Variants in MTREX observed in about 807,000 individuals in gnomAD.
The protein encoded by MTREX is exosome RNA helicase MTR4.
A neutral mutation model predicts 135.4 loss-of-function variants in MTREX; 76 were observed. That is an observed-to-expected ratio of 0.56 (90% CI 0.47 to 0.68). The LOEUF (loss-of-function observed/expected upper bound fraction) is 0.68. Among genes scored for constraint, MTREX ranks in the 30% least tolerant of loss-of-function variants. The pLI, the probability that MTREX is intolerant of heterozygous loss-of-function variation, is 0.00. For synonymous variants in MTREX, 404 were observed against 401.6 expected (o/e 1.01, Z -0.07); for missense variants, 920 against 1,262.1 (o/e 0.73, Z 4.11).
chr5:55,313,847 T>A (rs1035368613), intron 1 of MTREX, among the ~76,000 whole-genome samples: 13 of 152,194 alleles, frequency 8.5e-5, no homozygotes, highest in Admixed American at 6.5e-4. Context: ...TTTTTGAAAA[T>A]ATCAAATTGT....
intron 22 of MTREX, among the ~76,000 whole-genome samples, chr5:55,406,215 T>C (rs761267754): frequency 2.6e-5 from 4 of 152,334 alleles, no homozygotes; most frequent in Non-Finnish European, 2.9e-5. Context: ...TATCCTCTTA[T>C]TGTTTTTATG....
intron 5 of MTREX, among the ~76,000 whole-genome samples, chr5:55,334,492 T>G (rs1484306258): frequency 6.6e-6 from 1 of 152,098 alleles, no homozygotes; most frequent in Non-Finnish European, 1.5e-5. Flanking sequence ...TTTATAAACC[T>G]GGTACTAGGA....
rs187402431 is a variant in MTREX, at chr5:55,370,167, C to T, written c.1810+3292C>T. ...CAAACTCCCAACCTCAGGTGATCCACCCACCTTGACCTCCCAAAGTGCTGG... is the reference window on the plus strand; with the variant it reads ...CAAACTCCCAACCTCAGGTGATCCATCCACCTTGACCTCCCAAAGTGCTGG... On this transcript the variant is annotated intron_variant, in intron 16 of 26. Transcript: ENST00000230640. Among the ~76,000 whole-genome samples the T allele has an allele frequency of 5.2e-3, 793 of 152,236 alleles. 7 individuals are homozygous for T. Among genetic ancestry groups the T allele is most frequent in the African/African-American group, 0.018 (760 of 41,520 alleles).
At chr5:55,324,915 A>G (rs998712986) in intron 3 of MTREX, among the ~76,000 whole-genome samples, 2 of 152,202 alleles carry the variant, frequency 1.3e-5, no homozygotes, top group African/African-American at 4.8e-5. Context: ...TCATACTCCT[A>G]AAGTTAAGTA....
rs1340275103 is a variant in MTREX at position 55,349,743 on chromosome 5, CT to C, written c.1320+95del. On this transcript the variant is annotated intron_variant, in intron 12 of 26. Coordinates refer to ENST00000230640, the MANE Select transcript of MTREX (RefSeq NM_015360.5). ...TGCTTGGTTTTATTACTCTATTGCA[CT>C]TTTCACACACTGTAGCATATGGGTT... The C allele has an allele frequency of 1.8e-4, 127 of 722,840 alleles. No individual in the cohort carries two copies. In the East Asian group the frequency reaches 3.2e-3, roughly 18 times the overall value. The allele number at this position is 722,840 out of a possible 1,614,324, so 44.8% of individuals were successfully genotyped here.
Position 55,410,605 on chromosome 5 carries a change from A to T in MTREX, c.2727A>T (p.Leu909Phe). Residue 909 changes from leucine to phenylalanine, a missense_variant, in exon 23 of 27, where the codon TTA becomes TTT. Leu to Phe is a conservative substitution (Grantham distance 22, BLOSUM62 0). Transcript: ENST00000230640. ...DLSAEQATAL[L>F]SCFVFQENSS... ...CTGCAGAACAGGCAACAGCATTATT[A>T]AGCTGCTTTGTGTTTCAAGAGAATG... 6.2e-7 allele frequency: 1 copy of T among 1,606,318 alleles called. No homozygotes were observed. Among genetic ancestry groups the T allele is most frequent in the African/African-American group, 1.3e-5 (1 of 74,902 alleles).
At chr5:55,359,305 C>G (rs559470866) in intron 15 of MTREX, among the ~76,000 whole-genome samples, 1 of 152,046 alleles carries the variant, frequency 6.6e-6, no homozygotes, top group Non-Finnish European at 1.5e-5. Context: ...TTCTTCTTAT[C>G]CATATAGAGA....
At chr5:55,311,184 A>G (rs910983951) in intron 1 of MTREX, among the ~76,000 whole-genome samples, 1 of 152,242 alleles carries the variant, frequency 6.6e-6, no homozygotes, top group African/African-American at 2.4e-5. Context: ...AGCTTCACCA[A>G]TATCAAGTCA....
chr5:55,406,839 G>A (rs1750816194), intron 22 of MTREX, among the ~76,000 whole-genome samples: 1 of 152,190 alleles, frequency 6.6e-6, no homozygotes, highest in Admixed American at 6.5e-5. Context: ...ATGTGGTATA[G>A]GAGATGCTGT....
intron 22 of MTREX, 118 bp from the exon 23 acceptor site, chr5:55,410,406 T>C (rs1750867439): frequency 2.2e-6 from 1 of 463,610 alleles, no homozygotes; most frequent in Admixed American, 3.8e-5. Context: ...TCATTCCTCA[T>C]TGATTACTCC....
At chr5:55,400,114 TTA>T (rs1328186042) in intron 20 of MTREX, 117 bp from the exon 21 acceptor site, 2 of 656,400 alleles carry the variant, frequency 3.0e-6, no homozygotes, top group Non-Finnish European at 4.7e-6. Context: ...AAAGACAAAA[TTA>T]TATATGTAGT....
rs1750785130 is a variant in MTREX, at chr5:55,405,336, AAATATTTTTTGTTTGATTTCATG to A, written c.2482-84_2482-62del. 2.5e-6 allele frequency: 3 copies of A among 1,179,828 alleles called. No homozygotes were observed. The Admixed American group carries it at 6.8e-5, about 27-fold the overall frequency. 73.1% of individuals were successfully genotyped at this position (1,179,828 alleles called of 1,614,324 possible). On this transcript the variant is annotated intron_variant, in intron 21 of 26. Transcript: ENST00000230640. ...AAGTATACTGTAAGATGTTCTTTAA[AAATATTTTTTGTTTGATTTCATG>A]AATAAATCTCCTTGTACATTGTTCA...
At chr5:55,423,021 A>G (rs775521441) in intron 26 of MTREX, 39 bp downstream of exon 26, 11 of 1,534,606 alleles carry the variant, frequency 7.2e-6, no homozygotes, top group South Asian at 6.9e-5. Flanking sequence ...AATTTAGACA[A>G]ATTTGGTGAA....
At chr5:55,373,485 G>A (rs1405150973) in intron 16 of MTREX, among the ~76,000 whole-genome samples, 2 of 152,090 alleles carry the variant, frequency 1.3e-5, no homozygotes, top group African/African-American at 2.4e-5. Context: ...GGAAGATGGT[G>A]CACTCCATCT....
chr5:55,365,989 T>TAA (rs765319067), intron 15 of MTREX, among the ~76,000 whole-genome samples: 28 of 121,248 alleles, frequency 2.3e-4, no homozygotes, highest in East Asian at 4.9e-4. Flanking sequence ...AGACCCCATC[T>TAA]AAAAAAAAAA....
At chr5:55,420,990 A>T (rs1751045811) in intron 25 of MTREX, among the ~76,000 whole-genome samples, 1 of 152,184 alleles carries the variant, frequency 6.6e-6, no homozygotes, top group Admixed American at 6.5e-5. Flanking sequence ...TATTTGAAAA[A>T]TTTTTTAAAG....
intron 5 of MTREX, among the ~76,000 whole-genome samples, chr5:55,339,715 C>A (rs1392241206): frequency 6.6e-6 from 1 of 152,158 alleles, no homozygotes. Flanking sequence ...ATTTTGGAAG[C>A]CCGTCTTAGA....
chr5:55,377,217 C>T (rs1049589565), intron 16 of MTREX, among the ~76,000 whole-genome samples: 1 of 152,118 alleles, frequency 6.6e-6, no homozygotes, highest in Non-Finnish European at 1.5e-5. Flanking sequence ...GTCCCAGCTA[C>T]TCGGGAGGCT....
At chr5:55,419,796 A>G (rs1411339302) in intron 25 of MTREX, among the ~76,000 whole-genome samples, 1 of 152,058 alleles carries the variant, frequency 6.6e-6, no homozygotes, top group East Asian at 1.9e-4. Flanking sequence ...ATTTTTTTTC[A>G]GTCCTGCTCC....
Sources: allele counts gnomAD v4.1 joint callset (sites outside exome capture counted in the v4.1 genomes callset), GRCh38; gene constraint gnomAD v4.1.1; transcripts MANE v1.5; gene names NCBI Gene and HGNC (gene_info 2026-07-23, HGNC 2026-07-21).